The following PLPPR1 variants were observed in gnomAD, a reference collection of about 807,000 sequenced individuals.
The protein encoded by PLPPR1 is phospholipid phosphatase-related protein type 1.
PLPPR1 carries 10 observed loss-of-function variants against 33.1 expected under a neutral mutation model. The observed-to-expected ratio is 0.30, with a 90% CI of 0.19 to 0.51. The LOEUF (loss-of-function observed/expected upper bound fraction) is 0.51, where lower values mean the gene tolerates loss of function less well. Among genes scored for constraint, PLPPR1 ranks in the 20% least tolerant of loss-of-function variants. The pLI is 0.97. For missense variants in PLPPR1, 304 were observed against 408.1 expected, an observed-to-expected ratio of 0.74 and a Z score of 2.20; for synonymous variants, 151 against 151.0, an observed-to-expected ratio of 1.00 and a Z score of 0.00.
intron 1 of PLPPR1, among the ~76,000 whole-genome samples, chr9:101,038,735 G>A (rs1830041330): frequency 6.6e-6 from 1 of 152,098 alleles, no homozygotes; most frequent in African/African-American, 2.4e-5. Context: ...GATTTCTGGC[G>A]CATTGAAATT....
intron 4 of PLPPR1, among the ~76,000 whole-genome samples, chr9:101,296,745 A>G (rs1588115904): frequency 3.3e-5 from 5 of 151,876 alleles, no homozygotes; most frequent in Admixed American, 2.6e-4. Context: ...GAATTGAACA[A>G]TGAGAACACA....
intron 2 of PLPPR1, among the ~76,000 whole-genome samples, chr9:101,268,751 ATAGATATC>A (rs1406245301): frequency 2.0e-5 from 3 of 152,240 alleles, no homozygotes; most frequent in African/African-American, 7.2e-5. Context: ...ACTTTAAGCC[ATAGATATC>A]TAAAGATGTC....
At chr9:101,055,216 T>C (rs1171054859) in intron 1 of PLPPR1, among the ~76,000 whole-genome samples, 1 of 152,212 alleles carries the variant, frequency 6.6e-6, no homozygotes, top group East Asian at 1.9e-4. Context: ...CATTAAATTG[T>C]TTTTGAGTTT....
At position 101,308,190 on chromosome 9, in the gene PLPPR1, T is replaced by C. The variant is rs772145527; in HGVS notation, c.386-1021T>C. ...GGGAATGCAGGTGTGGTTGAAGTTG[T>C]GATAGGGAGACTATCCTGGATTATC... On this transcript the variant is annotated intron_variant, in intron 4 of 7. Coordinates refer to ENST00000374874, the MANE Select transcript of PLPPR1 (RefSeq NM_207299.2). Among the ~76,000 whole-genome samples, 11 of 152,174 alleles carry C rather than the reference T, an allele frequency of 7.2e-5. 1 individual carries two copies. In the South Asian group the frequency reaches 1.0e-3, roughly 14 times the overall value.
chr9:101,074,355 C>T (rs904441195), intron 1 of PLPPR1, among the ~76,000 whole-genome samples: 5 of 152,204 alleles, frequency 3.3e-5, no homozygotes, highest in African/African-American at 1.2e-4. Flanking sequence ...TTTAAACTCA[C>T]CAATTTTTCC....
chr9:101,123,533 AG>A (rs1183838289), intron 1 of PLPPR1, among the ~76,000 whole-genome samples: 3 of 152,122 alleles, frequency 2.0e-5, no homozygotes, highest in African/African-American at 7.2e-5. Flanking sequence ...AAGTGGGACC[AG>A]GGGGCCATTG....
intron 1 of PLPPR1, among the ~76,000 whole-genome samples, chr9:101,041,391 A>G (rs1232491274): frequency 6.6e-6 from 1 of 152,226 alleles, no homozygotes; most frequent in Non-Finnish European, 1.5e-5. Context: ...GTCTACAACA[A>G]AATAAGCAAA....
chr9:101,278,693 T>C (rs1043170483), intron 3 of PLPPR1, among the ~76,000 whole-genome samples: 1 of 151,996 alleles, frequency 6.6e-6, no homozygotes, highest in Non-Finnish European at 1.5e-5. Context: ...GACTCCAGAG[T>C]AGTATCCACA....
intron 3 of PLPPR1, among the ~76,000 whole-genome samples, chr9:101,281,557 A>G (rs1828304840): frequency 1.3e-5 from 2 of 152,160 alleles, no homozygotes; most frequent in South Asian, 2.1e-4. Context: ...CCATGAAAAC[A>G]GACACCTAAA....
chr9:101,070,720 T>C (rs1261908953), intron 1 of PLPPR1, among the ~76,000 whole-genome samples: 2 of 152,198 alleles, frequency 1.3e-5, no homozygotes, highest in Admixed American at 6.5e-5. Context: ...CTCCATTTTT[T>C]CCCCTCAACA....
chr9:101,279,603 T>G (rs534852923), intron 3 of PLPPR1, among the ~76,000 whole-genome samples: 2 of 152,236 alleles, frequency 1.3e-5, no homozygotes, highest in South Asian at 4.1e-4. Context: ...ATTCAAAAAA[T>G]AGTCATATCA....
intron 1 of PLPPR1, among the ~76,000 whole-genome samples, chr9:101,121,968 G>A (rs549658761): frequency 6.6e-6 from 1 of 152,178 alleles, no homozygotes; most frequent in Non-Finnish European, 1.5e-5. Context: ...GAACAAAAAG[G>A]CCAGTGCCAC....
intron 1 of PLPPR1, among the ~76,000 whole-genome samples, chr9:101,086,210 T>C (rs960184580): frequency 1.3e-5 from 2 of 152,202 alleles, no homozygotes; most frequent in African/African-American, 4.8e-5. Context: ...TGTCATCACT[T>C]GAGCTCTTTG....
chr9:101,210,640 A>G (rs543715484), intron 2 of PLPPR1, among the ~76,000 whole-genome samples: 2 of 152,356 alleles, frequency 1.3e-5, no homozygotes, highest in East Asian at 3.9e-4. Context: ...GGCATTTAAA[A>G]TCTAGAATTT....
chr9:101,230,381 A>G lies in PLPPR1; in HGVS notation c.64-39499A>G, dbSNP rs190963752. Reference sequence around the variant, plus strand: ...CATATGGAAAGACACCCGTAAGGGCATAAACCCTGGCCTCTGTCCACACCT... The same window carrying G: ...CATATGGAAAGACACCCGTAAGGGCGTAAACCCTGGCCTCTGTCCACACCT... On this transcript the variant is annotated intron_variant, in intron 2 of 7. Coordinates refer to ENST00000374874, the MANE Select transcript of PLPPR1 (RefSeq NM_207299.2). 1.4e-4 allele frequency among the ~76,000 whole-genome samples: 22 copies of G among 152,282 alleles called. No individual in the cohort carries two copies. The East Asian group carries it at 3.9e-3, about 27-fold the overall frequency.
intron 2 of PLPPR1, among the ~76,000 whole-genome samples, chr9:101,207,119 A>G (rs1424957642): frequency 6.6e-6 from 1 of 151,936 alleles, no homozygotes; most frequent in Non-Finnish European, 1.5e-5. Flanking sequence ...CTACTTTTTT[A>G]TTGTGTGTAT....
At chr9:101,167,141 G>GGTGTGTGTGTGTTTGT (rs1825870070) in intron 1 of PLPPR1, among the ~76,000 whole-genome samples, 1 of 39,648 alleles carries the variant, frequency 2.5e-5, no homozygotes, top group Non-Finnish European at 5.6e-5. Flanking sequence ...TATGTCTCTC[G>GGTGTGTGTGTGTTTGT]GTGTGTGTGT....
chr9:101,124,505 C>T (rs1378589600), intron 1 of PLPPR1, among the ~76,000 whole-genome samples: 2 of 152,170 alleles, frequency 1.3e-5, no homozygotes, highest in Non-Finnish European at 2.9e-5. Flanking sequence ...GTTCATTCAT[C>T]TCCTGCAAAA....
intron 2 of PLPPR1, among the ~76,000 whole-genome samples, chr9:101,224,197 A>G (rs1221545284): frequency 1.3e-5 from 2 of 152,182 alleles, no homozygotes; most frequent in Non-Finnish European, 2.9e-5. Flanking sequence ...TTCTGCAAAA[A>G]TGGACATTCT....
Sources: allele counts gnomAD v4.1 joint callset (sites outside exome capture counted in the v4.1 genomes callset), GRCh38; gene constraint gnomAD v4.1.1; transcripts MANE v1.5; gene names NCBI Gene and HGNC (gene_info 2026-07-23, HGNC 2026-07-21).